Variants in TMEM108 observed in about 807,000 individuals in gnomAD.
The protein encoded by TMEM108 is transmembrane protein 108.
A neutral mutation model predicts 35.1 loss-of-function variants in TMEM108; 12 were observed. The observed-to-expected ratio is 0.34, with a 90% CI of 0.22 to 0.55. The LOEUF is 0.55. Among genes scored for constraint, TMEM108 ranks in the 20% least tolerant of loss-of-function variants. The probability of loss-of-function intolerance (pLI) is 0.89; values close to 1 mark genes in which losing one functional copy is unlikely to be tolerated. For missense variants in TMEM108, 680 were observed against 753.3 expected (o/e 0.90, Z 1.14); for synonymous variants, 287 against 308.6 (o/e 0.93, Z 0.73).
At chr3:133,201,648 G>T (rs1006333767) in intron 2 of TMEM108, among the ~76,000 whole-genome samples, 1 of 152,172 alleles carries the variant, frequency 6.6e-6, no homozygotes, top group African/African-American at 2.4e-5. Context: ...TTTTATGCCT[G>T]TGTAGTATTC....
intron 1 of TMEM108, among the ~76,000 whole-genome samples, chr3:133,040,655 C>T (rs770627457): frequency 2.4e-4 from 37 of 152,014 alleles, no homozygotes; most frequent in Non-Finnish European, 4.4e-4. Context: ...GTTTGGCCTG[C>T]GGAAGGGAGG....
chr3:133,257,407 A>G (rs1260593798), intron 3 of TMEM108, among the ~76,000 whole-genome samples: 1 of 152,194 alleles, frequency 6.6e-6, no homozygotes, highest in Non-Finnish European at 1.5e-5. Context: ...TTACAAATGC[A>G]TTATTAATAA....
At chr3:133,393,647 G>C (rs1490280509) in intron 5 of TMEM108, among the ~76,000 whole-genome samples, 2 of 152,168 alleles carry the variant, frequency 1.3e-5, no homozygotes, top group African/African-American at 4.8e-5. Flanking sequence ...GCATGGAAAA[G>C]GTGTTCCTGA....
intron 2 of TMEM108, among the ~76,000 whole-genome samples, chr3:133,118,243 G>A (rs1324222153): frequency 6.6e-6 from 1 of 152,102 alleles, no homozygotes; most frequent in Non-Finnish European, 1.5e-5. Flanking sequence ...GCCCATCCAG[G>A]TGTGGAAACT....
chr3:133,243,425 T>C (rs528006852), intron 3 of TMEM108, among the ~76,000 whole-genome samples: 3 of 152,004 alleles, frequency 2.0e-5, no homozygotes, highest in African/African-American at 7.2e-5. Flanking sequence ...ATATAATTCT[T>C]ATTTAAATAA....
intron 3 of TMEM108, among the ~76,000 whole-genome samples, chr3:133,282,730 A>C (rs745482629): frequency 3.3e-5 from 5 of 152,180 alleles, no homozygotes; most frequent in South Asian, 2.1e-4. Context: ...CCCTGTCTCC[A>C]TGCCTCTTTA....
At chr3:133,177,281 T>C (rs1000970712) in intron 2 of TMEM108, among the ~76,000 whole-genome samples, 3 of 152,112 alleles carry the variant, frequency 2.0e-5, no homozygotes, top group Non-Finnish European at 2.9e-5. Context: ...TTCCAATCAA[T>C]AGAAAAAGAG....
intron 2 of TMEM108, among the ~76,000 whole-genome samples, chr3:133,219,614 G>A (rs2107849807): frequency 6.6e-6 from 1 of 152,122 alleles, no homozygotes; most frequent in Admixed American, 6.5e-5. Flanking sequence ...TCAGGGGCAT[G>A]TTGTTTAATT....
chr3:133,326,703 A>G (rs1215084156), intron 3 of TMEM108, among the ~76,000 whole-genome samples: 3 of 152,298 alleles, frequency 2.0e-5, no homozygotes, highest in East Asian at 1.9e-4. Flanking sequence ...AAGGAACCGT[A>G]CTTTGTGCTT....
At chr3:133,100,940 TATA>T (rs376609046) in intron 2 of TMEM108, among the ~76,000 whole-genome samples, 17 of 152,352 alleles carry the variant, frequency 1.1e-4, no homozygotes, top group East Asian at 3.9e-4. Context: ...TAGTTGTGTG[TATA>T]ATAACTGATT....
chr3:133,179,909 A>T (rs1945306048), intron 2 of TMEM108, among the ~76,000 whole-genome samples: 1 of 152,044 alleles, frequency 6.6e-6, no homozygotes, highest in African/African-American at 2.4e-5. Context: ...ACCCCTTATG[A>T]ATTACACCTC....
intron 3 of TMEM108, among the ~76,000 whole-genome samples, chr3:133,285,861 G>GT (rs1265153900): frequency 6.6e-6 from 1 of 152,124 alleles, no homozygotes; most frequent in Non-Finnish European, 1.5e-5. Flanking sequence ...TGTTTATCTT[G>GT]TTTTGCAGTC....
intron 3 of TMEM108, among the ~76,000 whole-genome samples, chr3:133,235,039 T>G (rs2107656220): frequency 6.6e-6 from 1 of 152,050 alleles, no homozygotes; most frequent in East Asian, 1.9e-4. Flanking sequence ...GGAATCCAAC[T>G]TACAAGGGAT....
At chr3:133,130,259 C>T (rs1424510625) in intron 2 of TMEM108, among the ~76,000 whole-genome samples, 1 of 152,154 alleles carries the variant, frequency 6.6e-6, no homozygotes, top group Non-Finnish European at 1.5e-5. Context: ...ATTGGTGCTG[C>T]ATAACAAACC....
intron 3 of TMEM108, among the ~76,000 whole-genome samples, chr3:133,285,805 G>GC (rs1293451525): frequency 1.3e-4 from 20 of 152,266 alleles, no homozygotes; most frequent in African/African-American, 4.8e-4. Flanking sequence ...AGCTGCTTCA[G>GC]CCCCCATCAC....
At chr3:133,286,033 A>G (rs1383764583) in intron 3 of TMEM108, among the ~76,000 whole-genome samples, 1 of 152,228 alleles carries the variant, frequency 6.6e-6, no homozygotes, top group Non-Finnish European at 1.5e-5. Flanking sequence ...GAAGACTTTC[A>G]CAACTACCTC....
intron 3 of TMEM108, among the ~76,000 whole-genome samples, chr3:133,341,467 A>G (rs996716718): frequency 6.6e-6 from 1 of 151,950 alleles, no homozygotes; most frequent in African/African-American, 2.4e-5. Flanking sequence ...TTACTACCCA[A>G]TGCAATCTAC....
intron 2 of TMEM108, among the ~76,000 whole-genome samples, chr3:133,113,207 T>G (rs1944247010): frequency 6.6e-6 from 1 of 152,138 alleles, no homozygotes; most frequent in African/African-American, 2.4e-5. Context: ...GTGACTTAGG[T>G]ATCCGATAGG....
intron 3 of TMEM108, among the ~76,000 whole-genome samples, chr3:133,252,740 C>T (rs1470396933): frequency 6.6e-6 from 1 of 152,112 alleles, no homozygotes; most frequent in Non-Finnish European, 1.5e-5. Flanking sequence ...CTCTGAACCT[C>T]CGAACTTCTG....
Sources: allele counts gnomAD v4.1 joint callset (sites outside exome capture counted in the v4.1 genomes callset), GRCh38; gene constraint gnomAD v4.1.1; transcripts MANE v1.5; gene names NCBI Gene and HGNC (gene_info 2026-07-23, HGNC 2026-07-21).